CSF3R: variants seen among roughly 807,000 people sequenced by gnomAD.
CSF3R encodes granulocyte colony-stimulating factor receptor.
A neutral mutation model predicts 84.4 loss-of-function variants in CSF3R; 52 were observed. That is an observed-to-expected ratio of 0.62 (90% CI 0.49 to 0.78). CSF3R has a LOEUF of 0.78. Among genes scored for constraint, CSF3R ranks in the 30% least tolerant of loss-of-function variants. The probability of loss-of-function intolerance (pLI) is 0.00; values close to 1 mark genes in which losing one functional copy is unlikely to be tolerated. For synonymous variants in CSF3R, 384 were observed against 429.1 expected, an observed-to-expected ratio of 0.89 and a Z score of 1.30; for missense variants, 890 against 1,055.7, an observed-to-expected ratio of 0.84 and a Z score of 2.17.
chr1:36,469,156 C>G lies in CSF3R; in HGVS notation c.1576G>C (p.Ala526Pro). 1 of 1,611,624 alleles carries G rather than the reference C, an allele frequency of 6.2e-7. No homozygotes were observed. Among genetic ancestry groups the G allele is most frequent in the Non-Finnish European group, 8.5e-7 (1 of 1,177,840 alleles). ...GAAAGGGGCCTGATAGTTGACAAAC[C>G]CATTTCTTGAGAGTAGGCATAGACA... ...QHVYAYSQEM[A>P]PSHAPELHLK... Residue 526 changes from alanine to proline, a missense_variant and splice_region_variant, in exon 12 of 17, where the codon GCT becomes CCT. Physicochemically the swap from Ala to Pro is conservative, Grantham distance 27 (BLOSUM62 -1). Transcript: ENST00000373106.
At position 36,467,671 on chromosome 1, in the gene CSF3R, G is replaced by A. The variant is rs375651066; in HGVS notation, c.1865-20C>T. 285 of 1,613,644 alleles carry A rather than the reference G, an allele frequency of 1.8e-4. No homozygotes were observed. Among genetic ancestry groups the A allele is most frequent in the Non-Finnish European group, 2.3e-4 (271 of 1,179,666 alleles). On this transcript the variant is annotated intron_variant, in intron 14 of 16. Coordinates refer to ENST00000373106, the MANE Select transcript of CSF3R (RefSeq NM_000760.4). This position sits in a 1 kb window ranked among gnomAD's most constrained non-coding sequence, Gnocchi z 4.1. Reference sequence around the variant, plus strand: ...ACCCCTCTGCAGTGAGGGCAGGGCCGGAAGAAGTTAGAATGCATGTTGGGA... The same window carrying A: ...ACCCCTCTGCAGTGAGGGCAGGGCCAGAAGAAGTTAGAATGCATGTTGGGA...
In CSF3R at chr1:36,475,674, C is replaced by T; in HGVS notation, c.65-1G>A. The stretch of plus-strand genomic sequence containing the variant: ...CTGATGTGCCCGCACTCCTCCAGAC[C>T]TGGGGTGGAAGAGAATGGGCCAGGA... On this transcript the variant is annotated splice_acceptor_variant, in intron 3 of 16. Transcript: ENST00000373106. LOFTEE classifies it high-confidence loss of function. 6.2e-7 allele frequency: 1 copy of T among 1,605,280 alleles called. No homozygotes were observed. Among genetic ancestry groups the T allele is most frequent in the Non-Finnish European group, 8.5e-7 (1 of 1,174,224 alleles).
chr1:36,473,231 C>T (rs555143278), intron 6 of CSF3R: 2 of 618,544 alleles, frequency 3.2e-6, no homozygotes, highest in African/African-American at 1.8e-5. Context: ...TGTCTCTTTG[C>T]CTCTGTGTCT....
rs961932221 is a variant in CSF3R, at chr1:36,472,301, A to G, written c.934T>C (p.Trp312Arg). The change falls in exon 8 of 17, where the codon TGG becomes CGG. Residue 312 changes from tryptophan to arginine, a missense_variant. Trp to Arg is a moderately radical substitution (Grantham distance 101). Transcript: ENST00000373106. The surrounding 1 kb of genome is among the most constrained non-coding windows in gnomAD (Gnocchi z 5.0). ...AYTLQIRCIR[W>R]PLPGHWSDWS... Reference sequence around the variant, plus strand: ...TCGCTCCAGTGGCCAGGCAGGGGCCAGCGGATGCAGCGTATCTGCAGGGTG... The same window carrying G: ...TCGCTCCAGTGGCCAGGCAGGGGCCGGCGGATGCAGCGTATCTGCAGGGTG... The G allele has an allele frequency of 1.2e-5, 19 of 1,614,054 alleles. No homozygotes were observed. Among genetic ancestry groups the G allele is most frequent in the Non-Finnish European group, 1.5e-5 (18 of 1,180,028 alleles).
Position 36,469,699 on chromosome 1 carries a change from G to C in CSF3R, c.1427C>G (p.Thr476Ser), listed in dbSNP as rs374610386. The stretch of plus-strand genomic sequence containing the variant: ...TCTCCCATTCTGTTCCATCCTCCAG[G>C]TCTTGTTGCTATTGCTCGCGCTGGG... ...GPPSASNSNK[T>S]WRMEQNGRAT... Residue 476 changes from threonine to serine, a missense_variant, in exon 11 of 17, where the codon ACC becomes AGC. Physicochemically the swap from Thr to Ser is moderately conservative, Grantham distance 58. Coordinates refer to ENST00000373106, the MANE Select transcript of CSF3R (RefSeq NM_000760.4). 6.9e-5 allele frequency: 111 copies of C among 1,614,046 alleles called. No homozygotes were observed. The highest frequency in any genetic ancestry group is 2.7e-4 in the Admixed American group (16 of 60,010).
Position 36,472,856 on chromosome 1 carries a change from G to T in CSF3R, c.674-170C>A. On this transcript the variant is annotated intron_variant, in intron 6 of 16. Coordinates refer to ENST00000373106, the MANE Select transcript of CSF3R (RefSeq NM_000760.4). The surrounding 1 kb of genome is among the most constrained non-coding windows in gnomAD (Gnocchi z 5.0). Reference sequence around the variant, plus strand: ...TGTTTCTCTCTAGGTCTCTGTTTCCGCTCTTGCCCCAGGGCCTTTGCACTG... The same window carrying T: ...TGTTTCTCTCTAGGTCTCTGTTTCCTCTCTTGCCCCAGGGCCTTTGCACTG... The T allele has an allele frequency of 2.4e-6, 2 of 821,532 alleles. No individual in the cohort carries two copies. The highest frequency in any genetic ancestry group is 3.7e-6 in the Non-Finnish European group (2 of 546,462). 50.9% of individuals were successfully genotyped at this position (821,532 alleles called of 1,614,324 possible).
Position 36,479,464 on chromosome 1 carries a change from C to T in CSF3R, c.33G>A (p.Trp11Ter). 6.2e-7 allele frequency: 1 copy of T among 1,614,216 alleles called. No homozygotes were observed. The highest frequency in any genetic ancestry group is 8.5e-7 in the Non-Finnish European group (1 of 1,180,042). Residue 11 changes from tryptophan to a stop codon, truncating the protein, a stop_gained, in exon 3 of 17, where the codon TGG becomes TGA. Coordinates refer to ENST00000373106, the MANE Select transcript of CSF3R (RefSeq NM_000760.4). LOFTEE classifies it high-confidence loss of function. MARLGNCSLT[W>*]AALIILLLPG... The stretch of plus-strand genomic sequence containing the variant: ...GGAGCAGCAGGATGATCAGGGCAGC[C>T]CAAGTCAGGCTGCAGTTTCCCAGCC...
In CSF3R at chr1:36,467,844, G is replaced by A. The variant is rs760939908; in HGVS notation, c.1842C>T (p.Leu614=). The A allele has an allele frequency of 6.2e-7, 1 of 1,614,274 alleles. No individual in the cohort carries two copies. The highest frequency in any genetic ancestry group is 1.7e-5 in the Admixed American group (1 of 60,036). The change falls in exon 14 of 17, where the codon CTC becomes CTT. Residue 614 remains leucine (L), a synonymous_variant. Transcript: ENST00000373106. This position sits in a 1 kb window ranked among gnomAD's most constrained non-coding sequence, Gnocchi z 4.1. ...TACCTGGGGTCAAGGTCATCAGGGTGAGGACTGTACTGTTGGTGGCCCCAG... is the reference window on the plus strand; with the variant it reads ...TACCTGGGGTCAAGGTCATCAGGGTAAGGACTGTACTGTTGGTGGCCCCAG... ...SQAGATNSTV[L]TLMTLTPEGS...
At chr1:36,480,611 C>T (rs1003998760) in intron 2 of CSF3R, among the ~76,000 whole-genome samples, 1 of 152,202 alleles carries the variant, frequency 6.6e-6, no homozygotes. Flanking sequence ...CAGTGGGAAT[C>T]GCTGGTCAGC....
chr1:36,469,670 T>C lies in CSF3R; in HGVS notation c.1456A>G (p.Thr486Ala), dbSNP rs767301627. 5.0e-6 allele frequency: 8 copies of C among 1,614,034 alleles called. No homozygotes were observed. The highest frequency in any genetic ancestry group is 6.8e-6 in the Non-Finnish European group (8 of 1,180,042). Residue 486 changes from threonine to alanine, a missense_variant, in exon 11 of 17, where the codon ACG (threonine) becomes GCG (alanine). Thr to Ala is a moderately conservative substitution (Grantham distance 58). Coordinates refer to ENST00000373106, the MANE Select transcript of CSF3R (RefSeq NM_000760.4). ...TWRMEQNGRATGFLLKENIRP... is the reference protein window; with the variant it reads ...TWRMEQNGRAAGFLLKENIRP... ...GCCTCACCCTTCAGCAGAAACCCCG[T>C]GGCTCTCCCATTCTGTTCCATCCTC...
chr1:36,467,812 C>G lies in CSF3R; in HGVS notation c.1864+10G>C, dbSNP rs769673868. The G allele has an allele frequency of 1.2e-6, 2 of 1,614,268 alleles. No individual in the cohort carries two copies. Among genetic ancestry groups the G allele is most frequent in the East Asian group, 4.5e-5 (2 of 44,890 alleles). On this transcript the variant is annotated intron_variant, in intron 14 of 16. Coordinates refer to ENST00000373106, the MANE Select transcript of CSF3R (RefSeq NM_000760.4). The surrounding 1 kb of genome is among the most constrained non-coding windows in gnomAD (Gnocchi z 4.1). ...ACAGCCATCTCTGCCCAGCCCCCGT[C>G]TCCCCTTACCTGGGGTCAAGGTCAT...
At chr1:36,468,035 A>G in intron 13 of CSF3R, 40 bp downstream of exon 13, 1 of 1,614,240 alleles carries the variant, frequency 6.2e-7, no homozygotes. Flanking sequence ...ACCCCCTTCC[A>G]GGCCTTCTGG....
chr1:36,480,129 C>T (rs934715873), intron 2 of CSF3R: 1 of 177,720 alleles, frequency 5.6e-6, no homozygotes, highest in Non-Finnish European at 1.2e-5. Context: ...CTCCTGCCCC[C>T]CATTGGTCAA....
rs747021516 is a variant in CSF3R at position 36,473,460 on chromosome 1, T to G, written c.648A>C (p.Gln216His). 81 of 1,613,930 alleles carry G rather than the reference T, an allele frequency of 5.0e-5. No homozygotes were observed. In the East Asian group the frequency reaches 1.2e-3, roughly 24 times the overall value. The change falls in exon 6 of 17, where the codon CAA becomes CAC. Residue 216 changes from glutamine to histidine, a missense_variant. Physicochemically the swap from Gln to His is conservative, Grantham distance 24. Transcript: ENST00000373106. ...CAACATCCATGGGATCAAGACACAG[T>G]TGTGGGGACATGCTGGTCCCCAGCG... ...ENALGTSMSP[Q>H]LCLDPMDVVK...
chr1:36,472,451 C>G lies in CSF3R; in HGVS notation c.844-60G>C, dbSNP rs574510311. 1.2e-5 allele frequency: 19 copies of G among 1,613,644 alleles called. No homozygotes were observed. The highest frequency in any genetic ancestry group is 1.6e-5 in the Non-Finnish European group (19 of 1,179,892). Reference sequence around the variant, plus strand: ...TCGCTGGGCCATTCTAGGGCCAGCTCGAGCCCGACTTACCCTGCCCCCTGC... The same window carrying G: ...TCGCTGGGCCATTCTAGGGCCAGCTGGAGCCCGACTTACCCTGCCCCCTGC... On this transcript the variant is annotated intron_variant, in intron 7 of 16. Coordinates refer to ENST00000373106, the MANE Select transcript of CSF3R (RefSeq NM_000760.4). This position sits in a 1 kb window ranked among gnomAD's most constrained non-coding sequence, Gnocchi z 5.0.
chr1:36,468,794 C>G (rs1173476153), intron 12 of CSF3R: 4 of 280,822 alleles, frequency 1.4e-5, no homozygotes, highest in Non-Finnish European at 2.8e-5. Flanking sequence ...CTCTTGAACT[C>G]AGGGGATCTG....
At chr1:36,475,771 T>G in intron 3 of CSF3R, 98 bp from the exon 4 acceptor site, 5 of 1,223,498 alleles carry the variant, frequency 4.1e-6, no homozygotes, top group Non-Finnish European at 5.7e-6. Context: ...GGCCTCACCT[T>G]CCTGTCTCAC....
At position 36,471,602 on chromosome 1, in the gene CSF3R, C is replaced by G. The variant is rs760939918; in HGVS notation, c.1116G>C (p.Val372=). 2 of 1,614,222 alleles carry G rather than the reference C, an allele frequency of 1.2e-6. No individual in the cohort carries two copies. Among genetic ancestry groups the G allele is most frequent in the Non-Finnish European group, 1.7e-6 (2 of 1,180,048 alleles). Residue 372 remains valine (V), a synonymous_variant, in exon 10 of 17, where the codon GTG becomes GTC. Coordinates refer to ENST00000373106, the MANE Select transcript of CSF3R (RefSeq NM_000760.4). ...EEDSGRIQGY[V]VSWRPSGQAG... ...CCTGGCCTGAGGGTCTCCAAGAAAC[C>G]ACATAACCTTGGATCCGTCCGCTGT...
chr1:36,480,331 G>A (rs1488066098), intron 2 of CSF3R, among the ~76,000 whole-genome samples: 1 of 152,242 alleles, frequency 6.6e-6, no homozygotes, highest in African/African-American at 2.4e-5. Flanking sequence ...CCTCAGCCAT[G>A]TGGGCTGAGA....
Sources: gnomAD v4.1 joint callset for allele counts (sites outside exome capture counted in the v4.1 genomes callset) on GRCh38, gnomAD v4.1.1 for gene constraint, Gnocchi (gnomAD v3.1) non-coding constraint, MANE v1.5 for transcripts, NCBI Gene and HGNC (gene_info 2026-07-23, HGNC 2026-07-21) for gene names.